The following TMEM50B variants were observed in gnomAD, a reference collection of about 807,000 sequenced individuals.
The protein encoded by TMEM50B is transmembrane protein 50B, also known as HCV p7-trans-regulated protein 3.
Under a neutral mutation model 23.4 loss-of-function variants are expected in TMEM50B, and 14 were observed. The observed-to-expected ratio is 0.60, with a 90% CI of 0.39 to 0.93. The LOEUF is 0.93. Ranked by LOEUF, TMEM50B falls within the 40% of genes least tolerant of loss-of-function variation. The pLI, the probability that TMEM50B is intolerant of heterozygous loss-of-function variation, is 0.00. For synonymous variants in TMEM50B, 64 were observed against 62.3 expected, an observed-to-expected ratio of 1.03 and a Z score of -0.13; for missense variants, 159 against 193.0, an observed-to-expected ratio of 0.82 and a Z score of 1.04.
At chr21:33,465,253 TCTTGAATAA>T in intron 4 of TMEM50B, 80 bp downstream of exon 4, 1 of 875,542 alleles carries the variant, frequency 1.1e-6, no homozygotes, top group Middle Eastern at 2.3e-4. Flanking sequence ...TCATTACCAG[TCTTGAATAA>T]AGACTCACAA....
At position 33,468,773 on chromosome 21, in the gene TMEM50B, T is replaced by C; in HGVS notation, c.99+14A>G. 2.5e-6 allele frequency: 4 copies of C among 1,606,028 alleles called. No homozygotes were observed. Among genetic ancestry groups the C allele is most frequent in the Non-Finnish European group, 2.6e-6 (3 of 1,173,606 alleles). On this transcript the variant is annotated intron_variant, in intron 2 of 6. Coordinates refer to ENST00000542230, the MANE Select transcript of TMEM50B (RefSeq NM_006134.7). ...GTAAGGGATACATGTCACCAACCAG[T>C]CTTTCTCACTTACCAATATACCTGC...
intron 8 of TMEM50B, among the ~76,000 whole-genome samples, chr21:33,437,721 C>T (rs908315191): frequency 3.3e-5 from 5 of 152,156 alleles, no homozygotes; most frequent in South Asian, 2.1e-4. Flanking sequence ...CAGTGGCCCA[C>T]GCCTATAATC....
chr21:33,453,183 G>A (rs895674820), intron 6 of TMEM50B, among the ~76,000 whole-genome samples: 2 of 150,424 alleles, frequency 1.3e-5, no homozygotes, highest in Non-Finnish European at 3.0e-5. Flanking sequence ...TCAGCCTCCC[G>A]GGTTCAAGTG....
chr21:33,448,194 T>C (rs535824820), downstream of TMEM50B, among the ~76,000 whole-genome samples: 10 of 151,862 alleles, frequency 6.6e-5, no homozygotes, highest in South Asian at 2.1e-3. Flanking sequence ...CGGGTTTCAG[T>C]ATGTTGGCCA....
chr21:33,457,524 G>A (rs892070006), intron 5 of TMEM50B, among the ~76,000 whole-genome samples: 11 of 151,732 alleles, frequency 7.2e-5, no homozygotes, highest in South Asian at 6.2e-4. Context: ...CGTGGCAGGC[G>A]GCTATAATCC....
chr21:33,468,961 G>T, intron 1 of TMEM50B, 35 bp from the exon 2 acceptor site: 1 of 1,172,650 alleles, frequency 8.5e-7, no homozygotes, highest in Non-Finnish European at 1.2e-6. Flanking sequence ...ATCAACCTAA[G>T]AAAATGTTTT....
chr21:33,433,165 C>G (rs921854002), intron 8 of TMEM50B, among the ~76,000 whole-genome samples: 1 of 152,114 alleles, frequency 6.6e-6, no homozygotes, highest in African/African-American at 2.4e-5. Flanking sequence ...GGATTACAGG[C>G]GGGAGCCACT....
intron 8 of TMEM50B, among the ~76,000 whole-genome samples, chr21:33,438,318 T>C (rs1015513911): frequency 2.0e-5 from 3 of 152,110 alleles, no homozygotes; most frequent in African/African-American, 7.2e-5. Flanking sequence ...ATAAGGGGGA[T>C]TTGCAGAAGG....
At chr21:33,476,838 T>G (rs2084378033) in intron 1 of TMEM50B, among the ~76,000 whole-genome samples, 1 of 151,638 alleles carries the variant, frequency 6.6e-6, no homozygotes, top group Admixed American at 6.6e-5. Context: ...TACAATCATC[T>G]GTTTATATTA....
At chr21:33,460,935 C>T (rs796189661) in intron 4 of TMEM50B, among the ~76,000 whole-genome samples, 11 of 152,272 alleles carry the variant, frequency 7.2e-5, no homozygotes, top group African/African-American at 2.6e-4. Flanking sequence ...CAATATGGTA[C>T]AAATAACGGC....
intron 1 of TMEM50B, among the ~76,000 whole-genome samples, chr21:33,473,159 C>CAA (rs55661883): frequency 2.6e-5 from 4 of 151,480 alleles, no homozygotes; most frequent in Non-Finnish European, 4.4e-5. Flanking sequence ...CGCTTTAAGA[C>CAA]AAAAAAAATC....
At chr21:33,479,025 A>AC (rs1303251245) in intron 1 of TMEM50B, 1 of 280,660 alleles carries the variant, frequency 3.6e-6, no homozygotes, top group South Asian at 2.6e-5. Context: ...GCCCCTCCGC[A>AC]CCCCCCGACC....
chr21:33,451,496 C>G (rs956487127), intron 6 of TMEM50B, among the ~76,000 whole-genome samples: 1 of 152,104 alleles, frequency 6.6e-6, no homozygotes, highest in East Asian at 1.9e-4. Context: ...ACATAAGGAT[C>G]AGACCTAGTT....
At chr21:33,459,802 A>G (rs1360509044) in intron 5 of TMEM50B, among the ~76,000 whole-genome samples, 2 of 152,098 alleles carry the variant, frequency 1.3e-5, no homozygotes, top group African/African-American at 2.4e-5. Context: ...GGGGCAAGAT[A>G]TATTTTGGGA....
At chr21:33,436,559 C>T (rs1254514845) in intron 8 of TMEM50B, among the ~76,000 whole-genome samples, 1 of 151,860 alleles carries the variant, frequency 6.6e-6, no homozygotes, top group Non-Finnish European at 1.5e-5. Flanking sequence ...CCTGTCTCTA[C>T]TAAAAATACA....
chr21:33,458,036 G>C (rs1342539766), intron 5 of TMEM50B, among the ~76,000 whole-genome samples: 1 of 152,168 alleles, frequency 6.6e-6, no homozygotes, highest in Non-Finnish European at 1.5e-5. Context: ...AAAATTTCTT[G>C]TCTTTGCCTT....
At chr21:33,455,096 G>A (rs1364044148) in intron 6 of TMEM50B, among the ~76,000 whole-genome samples, 1 of 151,862 alleles carries the variant, frequency 6.6e-6, no homozygotes, top group South Asian at 2.1e-4. Flanking sequence ...GGCAGCTTGG[G>A]CTACAGGGTG....
At chr21:33,445,978 C>T (rs1359512828), downstream of TMEM50B, among the ~76,000 whole-genome samples, 1 of 152,114 alleles carries the variant, frequency 6.6e-6, no homozygotes, top group Non-Finnish European at 1.5e-5. Flanking sequence ...AAACTTAAAT[C>T]CATAGGCCTC....
chr21:33,475,084 G>A (rs991730578), intron 1 of TMEM50B, among the ~76,000 whole-genome samples: 5 of 151,192 alleles, frequency 3.3e-5, no homozygotes, highest in South Asian at 2.1e-4. Context: ...CCACCACCAC[G>A]ACCGGCTAAT....
Sources: allele counts gnomAD v4.1 joint callset (sites outside exome capture counted in the v4.1 genomes callset), GRCh38; gene constraint gnomAD v4.1.1; transcripts MANE v1.5; gene names NCBI Gene and HGNC (gene_info 2026-07-23, HGNC 2026-07-21).